CACNB2: variants seen among roughly 807,000 people sequenced by gnomAD.
CACNB2 encodes calcium voltage-gated channel auxiliary subunit beta 2.
In CACNB2, 42 loss-of-function variants were observed where a neutral mutation model predicts 73.3. The observed-to-expected ratio is 0.57, with a 90% confidence interval of 0.45 to 0.74. CACNB2 has a LOEUF of 0.74. Ranked by LOEUF, CACNB2 falls within the 30% of genes least tolerant of loss-of-function variation. The pLI is 0.00. For missense variants in CACNB2, 940 were observed against 853.0 expected, an observed-to-expected ratio of 1.10 and a Z score of -1.27; for synonymous variants, 348 against 310.3, an observed-to-expected ratio of 1.12 and a Z score of -1.28.
intron 2 of CACNB2, among the ~76,000 whole-genome samples, chr10:18,167,233 G>A (rs11012850): frequency 0.085 from 12,929 of 152,178 alleles, 615 homozygotes; most frequent in East Asian, 0.14. Context: ...CTTATAAGTG[G>A]GTGGGAGCTA....
At chr10:18,398,600 G>T (rs1043914952) in intron 2 of CACNB2, among the ~76,000 whole-genome samples, 1 of 151,982 alleles carries the variant, frequency 6.6e-6, no homozygotes, top group African/African-American at 2.4e-5. Flanking sequence ...TCGCCCAGGA[G>T]GTCAAGGCTG....
Position 18,539,759 on chromosome 10 carries a change from T to G in CACNB2, c.*35T>G, listed in dbSNP as rs1554843343. The G allele has an allele frequency of 8.9e-6, 13 of 1,465,702 alleles. No homozygotes were observed. The highest frequency in any genetic ancestry group is 4.9e-5 in the South Asian group (4 of 81,168). The allele number at this position is 1,465,702 out of a possible 1,614,324, so 90.8% of individuals were successfully genotyped here. A position where few individuals can be genotyped will look rare whatever the true frequency, so the allele number is the denominator to read the frequency against. ...GTTTGTGTTTTTTTTTTTTTTTTTT[T>G]GAAGTCTTGTATAACTAACAGCATC... On this transcript the variant is annotated 3_prime_UTR_variant, in exon 14 of 14. Coordinates refer to ENST00000324631, the MANE Select transcript of CACNB2 (RefSeq NM_201596.3).
At chr10:18,148,683 C>CT (rs2031231633) in intron 1 of CACNB2, among the ~76,000 whole-genome samples, 1 of 152,120 alleles carries the variant, frequency 6.6e-6, no homozygotes, top group Non-Finnish European at 1.5e-5. Context: ...CGAAGATACT[C>CT]TTTTCTGTTC....
At chr10:18,363,306 C>T (rs1290268020) in intron 2 of CACNB2, among the ~76,000 whole-genome samples, 2 of 152,190 alleles carry the variant, frequency 1.3e-5, no homozygotes, top group Non-Finnish European at 2.9e-5. Flanking sequence ...GCTTTTCAGA[C>T]ATAACACCTA....
At chr10:18,141,906 A>C (rs149250101) in intron 1 of CACNB2, among the ~76,000 whole-genome samples, 1 of 152,230 alleles carries the variant, frequency 6.6e-6, no homozygotes, top group East Asian at 1.9e-4. Flanking sequence ...TCAAGCCTAC[A>C]TTTGCCAGAT....
At chr10:18,491,307 G>A (rs548195909) in intron 3 of CACNB2, among the ~76,000 whole-genome samples, 81 of 152,358 alleles carry the variant, frequency 5.3e-4, no homozygotes, top group African/African-American at 1.9e-3. Context: ...GGTAGGGCAG[G>A]GTGTGGTGGC....
intron 2 of CACNB2, among the ~76,000 whole-genome samples, chr10:18,338,465 A>G (rs1001029700): frequency 6.6e-6 from 1 of 152,212 alleles, no homozygotes; most frequent in African/African-American, 2.4e-5. Flanking sequence ...ATAGGTTCTC[A>G]AGGTACCTTA....
chr10:18,307,685 A>T (rs1312504928), intron 2 of CACNB2, among the ~76,000 whole-genome samples: 3 of 152,212 alleles, frequency 2.0e-5, no homozygotes, highest in Non-Finnish European at 4.4e-5. Context: ...GGGAAAGTGA[A>T]CATATAATTT....
At chr10:18,373,107 C>T (rs535296193) in intron 2 of CACNB2, among the ~76,000 whole-genome samples, 1 of 152,252 alleles carries the variant, frequency 6.6e-6, no homozygotes, top group Admixed American at 6.5e-5. Flanking sequence ...TGAGCCACAG[C>T]ACCCAGCCCC....
intron 2 of CACNB2, among the ~76,000 whole-genome samples, chr10:18,389,291 C>T (rs2132435502): frequency 6.6e-6 from 1 of 152,220 alleles, no homozygotes; most frequent in East Asian, 1.9e-4. Flanking sequence ...TGTGTGCCAC[C>T]ATGCCTGGCT....
chr10:18,420,936 C>G (rs2045285122), intron 3 of CACNB2, among the ~76,000 whole-genome samples: 1 of 151,932 alleles, frequency 6.6e-6, no homozygotes, highest in Non-Finnish European at 1.5e-5. Flanking sequence ...AAATTTTTTC[C>G]TAAATATTCT....
At chr10:18,495,587 G>GTA (rs2049758585) in intron 3 of CACNB2, among the ~76,000 whole-genome samples, 2 of 142,692 alleles carry the variant, frequency 1.4e-5, no homozygotes. Flanking sequence ...GTGTGTGTGT[G>GTA]TGTGTATAAG....
At chr10:18,435,673 A>T (rs2046096694) in intron 3 of CACNB2, among the ~76,000 whole-genome samples, 1 of 151,626 alleles carries the variant, frequency 6.6e-6, no homozygotes, top group South Asian at 2.1e-4. Context: ...TAATTTTTGT[A>T]TTTTTTTGTA....
chr10:18,365,126 A>T (rs957822685), intron 2 of CACNB2, among the ~76,000 whole-genome samples: 5 of 152,308 alleles, frequency 3.3e-5, no homozygotes, highest in Non-Finnish European at 7.4e-5. Context: ...GACTGAGTTG[A>T]TAGTTAAGAC....
intron 2 of CACNB2, among the ~76,000 whole-genome samples, chr10:18,226,723 C>G (rs2036007398): frequency 6.6e-6 from 1 of 152,118 alleles, no homozygotes; most frequent in Non-Finnish European, 1.5e-5. Flanking sequence ...ACAGTTTTTG[C>G]AGGTATAATC....
At chr10:18,155,267 T>TA in intron 2 of CACNB2, among the ~76,000 whole-genome samples, 1 of 152,252 alleles carries the variant, frequency 6.6e-6, no homozygotes, top group Non-Finnish European at 1.5e-5. Context: ...ACATTTGTTT[T>TA]ACCTGTTTTT....
chr10:18,234,035 A>G (rs1179123801), intron 2 of CACNB2: 2 of 152,268 alleles, frequency 1.3e-5, no homozygotes, highest in Non-Finnish European at 2.9e-5. Flanking sequence ...GTACTTAGAC[A>G]TACCAGATAC....
At chr10:18,474,375 A>G (rs1346616803) in intron 3 of CACNB2, among the ~76,000 whole-genome samples, 1 of 152,138 alleles carries the variant, frequency 6.6e-6, no homozygotes, top group Non-Finnish European at 1.5e-5. Flanking sequence ...TCAATGGAGA[A>G]GCTTATTTTG....
intron 2 of CACNB2, among the ~76,000 whole-genome samples, chr10:18,213,513 A>AT (rs1180810844): frequency 1.3e-5 from 2 of 152,066 alleles, no homozygotes; most frequent in African/African-American, 2.4e-5. Context: ...ATTGGTGTTA[A>AT]TTTTTCTGGG....
Sources: gnomAD v4.1 joint callset for allele counts (sites outside exome capture counted in the v4.1 genomes callset) on GRCh38, gnomAD v4.1.1 for gene constraint, MANE v1.5 for transcripts, NCBI Gene and HGNC (gene_info 2026-07-23, HGNC 2026-07-21) for gene names.